Variants in TBC1D17 observed in about 807,000 individuals in gnomAD.
The protein encoded by TBC1D17 is TBC1 domain family member 17, also known as TBC1 domain family, member 17.
A neutral mutation model predicts 78.8 loss-of-function variants in TBC1D17; 69 were observed. That is an observed-to-expected ratio of 0.88 (90% CI 0.72 to 1.07). The LOEUF is 1.07. Among genes scored for constraint, TBC1D17 ranks in the 50% least tolerant of loss-of-function variants. The probability of loss-of-function intolerance (pLI) is 0.00; values close to 1 mark genes in which losing one functional copy is unlikely to be tolerated. For missense variants in TBC1D17, 957 were observed against 861.0 expected, an observed-to-expected ratio of 1.11 and a Z score of -1.39; for synonymous variants, 456 against 358.3, an observed-to-expected ratio of 1.27 and a Z score of -3.08.
intron 4 of TBC1D17, 44 bp from the exon 5 acceptor site, chr19:49,881,224 C>G: frequency 2.6e-6 from 4 of 1,566,624 alleles, no homozygotes; most frequent in Non-Finnish European, 3.5e-6. Context: ...AAGGCTGACT[C>G]TGGCTTCCCA....
At chr19:49,881,534 G>A (rs895067747) in intron 5 of TBC1D17, 59 bp downstream of exon 5, 71 of 1,523,408 alleles carry the variant, frequency 4.7e-5, no homozygotes, top group Admixed American at 3.6e-4. Context: ...TGGCTGCAGC[G>A]TGACCCCTCG....
intron 13 of TBC1D17, 103 bp downstream of exon 13, chr19:49,884,861 A>G (rs2075046523): frequency 2.1e-6 from 2 of 946,186 alleles, no homozygotes; most frequent in Admixed American, 4.3e-5. Context: ...GTCCTGATCC[A>G]AACAAGAGAA....
Position 49,888,738 on chromosome 19 carries a change from C to A in TBC1D17, c.*114C>A. The A allele has an allele frequency of 9.9e-7, 1 of 1,005,612 alleles. No homozygotes were observed. Among genetic ancestry groups the A allele is most frequent in the Non-Finnish European group, 1.4e-6 (1 of 707,156 alleles). The allele number at this position is 1,005,612 out of a possible 1,614,324, so 62.3% of individuals were successfully genotyped here. A position where few individuals can be genotyped will look rare whatever the true frequency, so the allele number is the denominator to read the frequency against. On this transcript the variant is annotated 3_prime_UTR_variant, in exon 17 of 17. Coordinates refer to ENST00000221543, the MANE Select transcript of TBC1D17 (RefSeq NM_024682.3). Reference sequence around the variant, plus strand: ...ATAAGCTGGCTTCATTAAACTGACACTTCTCATGTGCAGTTGGCTTCTTGT... The same window carrying A: ...ATAAGCTGGCTTCATTAAACTGACAATTCTCATGTGCAGTTGGCTTCTTGT...
chr19:49,882,000 C>G (rs1393539834), intron 5 of TBC1D17, 41 bp from the exon 6 acceptor site: 1 of 1,548,784 alleles, frequency 6.5e-7, no homozygotes. Flanking sequence ...ACACTGGGCC[C>G]CTACCTGTGC....
intron 9 of TBC1D17, 90 bp from the exon 10 acceptor site, chr19:49,883,561 G>T (rs1345785964): frequency 3.5e-6 from 4 of 1,143,840 alleles, no homozygotes; most frequent in Non-Finnish European, 5.2e-6. Flanking sequence ...GGGCTCTGCA[G>T]GGCTGACCTG....
intron 15 of TBC1D17, 189 bp from the exon 16 acceptor site, chr19:49,888,042 C>T (rs2305917): frequency 0.27 from 290,820 of 1,067,898 alleles, 40,604 homozygotes; most frequent in South Asian, 0.35. Flanking sequence ...GGGTGGGGAC[C>T]TTCCCTCCCC....
In TBC1D17 at chr19:49,884,362, C is replaced by G; in HGVS notation, c.1236C>G (p.Phe412Leu). 1 of 1,614,104 alleles carries G rather than the reference C, an allele frequency of 6.2e-7. No homozygotes were observed. Among genetic ancestry groups the G allele is most frequent in the Non-Finnish European group, 8.5e-7 (1 of 1,179,990 alleles). Residue 412 changes from phenylalanine to leucine, a missense_variant, in exon 11 of 17, where the codon TTC (phenylalanine) becomes TTG (leucine). By Grantham distance (22) the Phe-to-Leu change is conservative (BLOSUM62 0). Coordinates refer to ENST00000221543, the MANE Select transcript of TBC1D17 (RefSeq NM_024682.3). ...TCCTCACCTACTGCATGTATCACTTCGACCTCGGTGGGTGCCAGGCCTGGG... is the reference window on the plus strand; with the variant it reads ...TCCTCACCTACTGCATGTATCACTTGGACCTCGGTGGGTGCCAGGCCTGGG... The part of the protein sequence containing the change: ...DILLTYCMYH[F>L]DLGYVQGMSD...
At chr19:49,878,438 G>A in intron 2 of TBC1D17, 60 bp from the exon 3 acceptor site, 1 of 1,519,960 alleles carries the variant, frequency 6.6e-7, no homozygotes, top group South Asian at 1.1e-5. Context: ...ATTTGCAACG[G>A]AAAGTTTTGG....
chr19:49,883,253 C>T (rs887437687), intron 9 of TBC1D17, among the ~76,000 whole-genome samples, 177 bp downstream of exon 9: 1 of 152,196 alleles, frequency 6.6e-6, no homozygotes, highest in Non-Finnish European at 1.5e-5. Context: ...TGGTCTGTCT[C>T]CATTGCAGTT....
rs975325119 is a variant in TBC1D17, at chr19:49,880,250, C to T, written c.196-29C>T. 9.9e-6 allele frequency: 16 copies of T among 1,612,880 alleles called. No homozygotes were observed. The East Asian group carries it at 2.5e-4, about 25-fold the overall frequency. ...AGGCTAAGATCTGAATCCATGGCCC[C>T]TTACTGTCTGCTCCTTTCCTCTCCT... On this transcript the variant is annotated intron_variant, in intron 3 of 16. Coordinates refer to ENST00000221543, the MANE Select transcript of TBC1D17 (RefSeq NM_024682.3).
In TBC1D17 at chr19:49,883,746, G is replaced by A. The variant is rs1182589808; in HGVS notation, c.1126+1G>A. 1.9e-6 allele frequency: 3 copies of A among 1,613,476 alleles called. No homozygotes were observed. Among genetic ancestry groups the A allele is most frequent in the Non-Finnish European group, 2.5e-6 (3 of 1,179,712 alleles). ...CTGCATGGATACCGCAGCCTCATCG[G>A]TCAGTGTCAGGGGTGGCACTTAGGG... On this transcript the variant is annotated splice_donor_variant, in intron 10 of 16. Transcript: ENST00000221543. LOFTEE classifies it high-confidence loss of function.
At chr19:49,886,797 AT>A (rs968781471) in intron 13 of TBC1D17, 4 of 150,310 alleles carry the variant, frequency 2.7e-5, no homozygotes, top group Non-Finnish European at 4.4e-5. Flanking sequence ...CACCAGCTTA[AT>A]TTTTTTTTTC....
chr19:49,880,437 T>A lies in TBC1D17; in HGVS notation c.319+35T>A, dbSNP rs545079988. The stretch of plus-strand genomic sequence containing the variant: ...GGTGGCGGCCCTTGAGAAGCACGTG[T>A]GGGCCAGGTAGGACACATCTTGCCC... On this transcript the variant is annotated intron_variant, in intron 4 of 16. Coordinates refer to ENST00000221543, the MANE Select transcript of TBC1D17 (RefSeq NM_024682.3). 1.0e-4 allele frequency: 164 copies of A among 1,609,888 alleles called. 3 individuals carry two copies. The South Asian group carries it at 1.8e-3, about 17-fold the overall frequency.
chr19:49,881,367 A>C lies in TBC1D17; in HGVS notation c.419A>C (p.Tyr140Ser). The change falls in exon 5 of 17, where the codon TAC becomes TCC. Residue 140 changes from tyrosine (Y) to serine (S), a missense_variant. Transcript: ENST00000221543. ...RRSKPGLSWA[Y>S]LVLVTQAGGS... ...TCCAAGCCAGGCCTCAGCTGGGCCT[A>C]CCTGGTTCTGGTGACCCAGGCTGGA... The C allele has an allele frequency of 6.2e-7, 1 of 1,613,326 alleles. No individual in the cohort carries two copies. The highest frequency in any genetic ancestry group is 1.1e-5 in the South Asian group (1 of 91,076).
At chr19:49,884,625 G>T (rs1453415862) in intron 12 of TBC1D17, 34 bp from the exon 13 acceptor site, 3 of 1,613,606 alleles carry the variant, frequency 1.9e-6, no homozygotes, top group Non-Finnish European at 2.5e-6. Flanking sequence ...TACCTCACGG[G>T]GTCTGCTCTT....
chr19:49,883,608 C>A (rs754081892), intron 9 of TBC1D17, 43 bp from the exon 10 acceptor site: 42 of 1,573,168 alleles, frequency 2.7e-5, no homozygotes, highest in Admixed American at 1.3e-4. Flanking sequence ...CTGGGTGTTG[C>A]AGACAGTGGC....
rs568036826 is a variant in TBC1D17 at position 49,881,248 on chromosome 19, A to G, written c.320-20A>G. On this transcript the variant is annotated intron_variant, in intron 4 of 16. Coordinates refer to ENST00000221543, the MANE Select transcript of TBC1D17 (RefSeq NM_024682.3). ...TCTGGCTTCCCACGCGCTTCCCCCAACACAGTGCCGTCTCCCTAGGTGCAG... is the reference window on the plus strand; with the variant it reads ...TCTGGCTTCCCACGCGCTTCCCCCAGCACAGTGCCGTCTCCCTAGGTGCAG... 17 of 1,607,454 alleles carry G rather than the reference A, an allele frequency of 1.1e-5. No individual in the cohort carries two copies. The highest frequency in any genetic ancestry group is 2.7e-5 in the African/African-American group (2 of 74,812).
rs1352470537 is a variant in TBC1D17 at position 49,878,079 on chromosome 19, T to C, written c.22-64T>C. On this transcript the variant is annotated intron_variant, in intron 1 of 16. Transcript: ENST00000221543. ...GGTGGCTCCTCCCTGGGCCCGTCCC[T>C]ATTGGCTCCCCAGGCTGGTCCCCTC... 22 of 1,367,420 alleles carry C rather than the reference T, an allele frequency of 1.6e-5. No homozygotes were observed. In the Admixed American group the frequency reaches 4.6e-4, roughly 28 times the overall value. 84.7% of individuals were successfully genotyped at this position (1,367,420 alleles called of 1,614,324 possible). A position where few individuals can be genotyped will look rare whatever the true frequency, so the allele number is the denominator to read the frequency against.
intron 3 of TBC1D17, among the ~76,000 whole-genome samples, chr19:49,879,701 G>A (rs558127953): frequency 6.6e-6 from 1 of 151,238 alleles, no homozygotes; most frequent in East Asian, 1.9e-4. Flanking sequence ...GAGTACAACA[G>A]TGTCCATTGA....
Sources: allele counts gnomAD v4.1 joint callset (sites outside exome capture counted in the v4.1 genomes callset), GRCh38; gene constraint gnomAD v4.1.1; transcripts MANE v1.5; gene names NCBI Gene and HGNC (gene_info 2026-07-23, HGNC 2026-07-21).